Variants in DNM1L observed in about 807,000 individuals in gnomAD.
DNM1L encodes dynamin-1-like protein.
Under a neutral mutation model 92.8 loss-of-function variants are expected in DNM1L, and 33 were observed. The ratio of observed to expected loss-of-function variants is 0.36; its 90% confidence interval spans 0.27 to 0.48. DNM1L has a LOEUF of 0.48. Among genes scored for constraint, DNM1L ranks in the 20% least tolerant of loss-of-function variants. The pLI, the probability that DNM1L is intolerant of heterozygous loss-of-function variation, is 0.99. For missense variants in DNM1L, 485 were observed against 888.8 expected (o/e 0.55, Z 5.78); for synonymous variants, 284 against 305.0 (o/e 0.93, Z 0.72).
At chr12:32,714,587 T>C (rs962261775) in intron 6 of DNM1L, among the ~76,000 whole-genome samples, 11 of 152,242 alleles carry the variant, frequency 7.2e-5, no homozygotes, top group Admixed American at 2.6e-4. Context: ...ATTTTATATT[T>C]CAAGTTTTTA....
intron 1 of DNM1L, among the ~76,000 whole-genome samples, chr12:32,691,087 C>T (rs1181250707): frequency 1.3e-5 from 2 of 152,126 alleles, no homozygotes; most frequent in Non-Finnish European, 1.5e-5. Context: ...GCTAGAAGTC[C>T]AAGATCAAAG....
At chr12:32,714,758 G>C (rs1046368161) in intron 6 of DNM1L, among the ~76,000 whole-genome samples, 2 of 151,654 alleles carry the variant, frequency 1.3e-5, no homozygotes, top group Non-Finnish European at 2.9e-5. Flanking sequence ...AGGCCAAGGT[G>C]GGTGGATCAC....
chr12:32,680,007 T>G, intron 1 of DNM1L: 1 of 985,416 alleles, frequency 1.0e-6, no homozygotes. Context: ...CGCCAGTGTT[T>G]TCCTGCAGTA....
intron 9 of DNM1L, chr12:32,728,616 TAAG>T (rs1954315722): frequency 1.3e-5 from 2 of 152,206 alleles, no homozygotes; most frequent in South Asian, 4.1e-4. Flanking sequence ...ACTCCACATT[TAAG>T]AAGGCATTTG....
At chr12:32,699,797 A>G (rs12369031) in intron 1 of DNM1L, among the ~76,000 whole-genome samples, 102 of 45,344 alleles carry the variant, frequency 2.2e-3, no homozygotes, top group African/African-American at 4.6e-3. Flanking sequence ...ACTCCATCTC[A>G]AAAAAAAAAA....
At chr12:32,743,215 T>A in intron 19 of DNM1L, 139 bp from the exon 20 acceptor site, 1 of 774,906 alleles carries the variant, frequency 1.3e-6, no homozygotes, top group Non-Finnish European at 2.1e-6. Flanking sequence ...TAGATTCTAA[T>A]TCCAGAGAAG....
At chr12:32,726,562 G>T in intron 9 of DNM1L, 1 of 1,213,048 alleles carries the variant, frequency 8.2e-7, no homozygotes, top group Non-Finnish European at 1.2e-6. Flanking sequence ...GTATGCTCAC[G>T]TAAAAAGTGA....
At chr12:32,708,930 T>C (rs1042815462) in intron 4 of DNM1L, among the ~76,000 whole-genome samples, 4 of 152,178 alleles carry the variant, frequency 2.6e-5, no homozygotes, top group Non-Finnish European at 4.4e-5. Flanking sequence ...CTTTTTGTTC[T>C]TAGCTCCATT....
At chr12:32,692,027 C>CA (rs980975584) in intron 1 of DNM1L, among the ~76,000 whole-genome samples, 3 of 151,724 alleles carry the variant, frequency 2.0e-5, no homozygotes, top group Non-Finnish European at 4.4e-5. Context: ...TCCAATCTGT[C>CA]ACAGTAAATG....
rs368531178 is a variant in DNM1L at position 32,712,414 on chromosome 12, T to A, written c.457-795T>A. On this transcript the variant is annotated intron_variant, in intron 5 of 19. Coordinates refer to ENST00000549701, the MANE Select transcript of DNM1L (RefSeq NM_012062.5). ...TTGGCTTAATTTCTGCTCATTCTCT[T>A]AAGTGTCAGTTGTCTCAGTGAAGTT... Among the ~76,000 whole-genome samples, 8 of 152,254 alleles carry A rather than the reference T, an allele frequency of 5.3e-5. No individual in the cohort carries two copies. The South Asian group carries it at 8.3e-4, about 16-fold the overall frequency.
intron 2 of DNM1L, among the ~76,000 whole-genome samples, chr12:32,703,479 A>G (rs963219301): frequency 2.0e-5 from 3 of 152,174 alleles, no homozygotes; most frequent in African/African-American, 7.2e-5. Context: ...AAACAATTCT[A>G]GCATATCATA....
intron 9 of DNM1L, among the ~76,000 whole-genome samples, chr12:32,724,145 C>T (rs1026486100): frequency 2.6e-5 from 4 of 152,118 alleles, no homozygotes; most frequent in Admixed American, 2.6e-4. Flanking sequence ...CATCTTTTGT[C>T]AAAAATAGTC....
intron 4 of DNM1L, among the ~76,000 whole-genome samples, chr12:32,709,805 C>T (rs1190568598): frequency 6.6e-6 from 1 of 152,050 alleles, no homozygotes; most frequent in Non-Finnish European, 1.5e-5. Context: ...AAATATACAA[C>T]CTAAGTAGGT....
At chr12:32,722,364 C>G (rs1217764439) in intron 8 of DNM1L, 63 bp from the exon 9 acceptor site, 1 of 1,431,282 alleles carries the variant, frequency 7.0e-7, no homozygotes, top group African/African-American at 1.4e-5. Flanking sequence ...AAAAATTTGA[C>G]TTGTTTAGGG....
At chr12:32,712,649 C>CAAAAAAAAAAAAA (rs59906286) in intron 5 of DNM1L, among the ~76,000 whole-genome samples, 9 of 29,794 alleles carry the variant, frequency 3.0e-4, no homozygotes, top group Admixed American at 5.4e-4. Flanking sequence ...GACCCTGTCT[C>CAAAAAAAAAAAAA]AAAAAAAAAA....
Position 32,732,142 on chromosome 12 carries a change from TTTTC to T in DNM1L, c.1446+202_1446+205del, listed in dbSNP as rs1381412060. ...TAATAATTCTGGTATAAAGTGCATT[TTTTC>T]TTCATATTTTAATCATTGTTAGCCT... On this transcript the variant is annotated intron_variant, in intron 12 of 19. Coordinates refer to ENST00000549701, the MANE Select transcript of DNM1L (RefSeq NM_012062.5). Among the ~76,000 whole-genome samples, 10 of 152,332 alleles carry T rather than the reference TTTTC, an allele frequency of 6.6e-5. No homozygotes were observed. The East Asian group carries it at 1.9e-3, about 29-fold the overall frequency.
chr12:32,720,305 A>G (rs143025225), intron 7 of DNM1L, among the ~76,000 whole-genome samples: 22 of 152,296 alleles, frequency 1.4e-4, no homozygotes, highest in Admixed American at 1.2e-3. Context: ...GATAAAATAT[A>G]CAGTTGACTA....
At chr12:32,717,103 ATATATT>A (rs1294198103) in intron 6 of DNM1L, among the ~76,000 whole-genome samples, 22 of 120,792 alleles carry the variant, frequency 1.8e-4, no homozygotes, top group Non-Finnish European at 3.5e-4. Flanking sequence ...TATATATTTT[ATATATT>A]TATATATATT....
chr12:32,743,487 T>A lies in DNM1L; in HGVS notation c.*77T>A. 7.3e-7 allele frequency: 1 copy of A among 1,361,136 alleles called. No individual in the cohort carries two copies. Among genetic ancestry groups the A allele is most frequent in the Non-Finnish European group, 1.0e-6 (1 of 955,760 alleles). 84.3% of individuals were successfully genotyped at this position (1,361,136 alleles called of 1,614,324 possible). ...GCCTACCTGAGTAGAATCTTATTTA[T>A]GAACTCCTGTGTATTGCAATGGTAT... On this transcript the variant is annotated 3_prime_UTR_variant, in exon 20 of 20. Transcript: ENST00000549701.
Sources: allele counts gnomAD v4.1 joint callset (sites outside exome capture counted in the v4.1 genomes callset), GRCh38; gene constraint gnomAD v4.1.1; transcripts MANE v1.5; gene names NCBI Gene and HGNC (gene_info 2026-07-23, HGNC 2026-07-21).